Variants in DMD observed in about 807,000 individuals in gnomAD.
DMD encodes mutant dystrophin.
In DMD, 63 loss-of-function variants were observed where a neutral mutation model predicts 330.1. That is an observed-to-expected ratio of 0.19 (90% CI 0.16 to 0.24). The LOEUF (loss-of-function observed/expected upper bound fraction) is 0.24, where lower values mean the gene tolerates loss of function less well. Among genes scored for constraint, DMD ranks in the 10% least tolerant of loss-of-function variants. DMD has a pLI of 1.00. For missense variants in DMD, 3,344 were observed against 2,684.1 expected (o/e 1.25, Z -5.43); for synonymous variants, 1,223 against 959.8 (o/e 1.27, Z -5.07).
At chrX:32,289,644 C>T (rs910912420) in intron 42 of DMD, among the ~76,000 whole-genome samples, 2 of 111,453 alleles carry the variant, frequency 1.8e-5, no homozygotes, top group Non-Finnish European at 3.8e-5. Context: ...AAAGTGACCT[C>T]TGGTCCTTCT....
chrX:31,279,703 C>T (rs1424764154), intron 62 of DMD, among the ~76,000 whole-genome samples: 3 of 112,448 alleles, frequency 2.7e-5, no homozygotes, highest in Non-Finnish European at 5.6e-5. Context: ...ACTACAGATG[C>T]ATAAGCATGC....
intron 1 of DMD, among the ~76,000 whole-genome samples, chrX:33,322,419 CA>C (rs1191367690): frequency 9.1e-6 from 1 of 110,414 alleles, no homozygotes. Flanking sequence ...GTAGAGCACT[CA>C]GAACACACAC....
chrX:32,638,586 T>A (rs1231287079), intron 11 of DMD, among the ~76,000 whole-genome samples: 1 of 111,930 alleles, frequency 8.9e-6, no homozygotes, highest in Non-Finnish European at 1.9e-5. Context: ...ATCTGCAAGT[T>A]ACTATTGCTT....
chrX:33,192,415 C>T (rs1221331905), intron 1 of DMD, among the ~76,000 whole-genome samples: 2 of 112,106 alleles, frequency 1.8e-5, no homozygotes, highest in African/African-American at 6.5e-5. Context: ...TTGTACTCAT[C>T]GACTGAGCAC....
intron 41 of DMD, among the ~76,000 whole-genome samples, chrX:32,326,472 A>C (rs1316846183): frequency 1.8e-5 from 2 of 113,175 alleles, no homozygotes; most frequent in African/African-American, 6.4e-5. Flanking sequence ...AACATATATG[A>C]ATACATTTAT....
rs113662049 is a variant in DMD, at chrX:31,467,173, T to C, written c.8937+10933A>G. On this transcript the variant is annotated intron_variant, in intron 59 of 78. Coordinates refer to ENST00000357033, the MANE Select transcript of DMD (RefSeq NM_004006.3). ...CCCTTTATTTCTTTCCCTTGCCTGA[T>C]TGTCCTGGCCAAAACTTCCAATATT... Among the ~76,000 whole-genome samples, 3 of 111,466 alleles carry C rather than the reference T, an allele frequency of 2.7e-5. No homozygotes were observed. In the East Asian group the frequency reaches 8.4e-4, roughly 31 times the overall value.
intron 1 of DMD, among the ~76,000 whole-genome samples, chrX:33,270,335 G>GAA (rs200565487): frequency 2.9e-5 from 3 of 104,428 alleles, no homozygotes; most frequent in African/African-American, 7.0e-5. Context: ...AATAGACAAG[G>GAA]AAAAAAAAAA....
At chrX:33,114,159 G>C (rs1423876928) in intron 1 of DMD, among the ~76,000 whole-genome samples, 1 of 105,792 alleles carries the variant, frequency 9.5e-6, no homozygotes, top group Non-Finnish European at 1.9e-5. Flanking sequence ...GCCCAGGCTG[G>C]AGTGCAGTGG....
intron 12 of DMD, among the ~76,000 whole-genome samples, 184 bp from the exon 13 acceptor site, chrX:32,596,060 G>A (rs1456372399): frequency 1.8e-5 from 2 of 111,317 alleles, no homozygotes; most frequent in African/African-American, 6.5e-5. Flanking sequence ...ATGTTCTATT[G>A]TTAATTTAAC....
At chrX:32,096,833 G>A (rs1360019363) in intron 44 of DMD, among the ~76,000 whole-genome samples, 1 of 111,693 alleles carries the variant, frequency 9.0e-6, no homozygotes, top group East Asian at 2.8e-4. Context: ...ACTTTAGCAT[G>A]AGTCCAGATG....
chrX:32,564,296 G>A (rs1216490562), intron 16 of DMD, among the ~76,000 whole-genome samples: 5 of 111,754 alleles, frequency 4.5e-5, no homozygotes, highest in Admixed American at 2.9e-4. Flanking sequence ...AGGGATGCAC[G>A]TCAAAATAAC....
intron 1 of DMD, among the ~76,000 whole-genome samples, chrX:33,257,632 C>T (rs1464119650): frequency 9.0e-6 from 1 of 110,895 alleles, no homozygotes; most frequent in African/African-American, 3.3e-5. Flanking sequence ...TTAGTAATCA[C>T]GGTGATGAAA....
chrX:32,142,515 T>C (rs182932631), intron 44 of DMD, among the ~76,000 whole-genome samples: 27 of 112,533 alleles, frequency 2.4e-4, no homozygotes, highest in African/African-American at 8.4e-4. Flanking sequence ...GCACTGAATA[T>C]CATCCCTTCT....
At chrX:32,138,683 G>A (rs1232218719) in intron 44 of DMD, among the ~76,000 whole-genome samples, 2 of 111,909 alleles carry the variant, frequency 1.8e-5, no homozygotes, top group African/African-American at 6.5e-5. Flanking sequence ...CCTGCACAGA[G>A]CACTTTACAT....
At chrX:32,637,018 G>T (rs1167820519) in intron 11 of DMD, among the ~76,000 whole-genome samples, 1 of 110,561 alleles carries the variant, frequency 9.0e-6, no homozygotes, top group African/African-American at 3.3e-5. Flanking sequence ...AAAAGAAAAA[G>T]AAAAAGATTC....
At chrX:32,699,038 T>C in intron 8 of DMD, 74 bp downstream of exon 8, 1 of 882,952 alleles carries the variant, frequency 1.1e-6, no homozygotes, top group Non-Finnish European at 1.7e-6. Flanking sequence ...TATATATATA[T>C]GTGCACGTAA....
At chrX:32,467,612 T>C (rs1430728338) in intron 23 of DMD, among the ~76,000 whole-genome samples, 1 of 104,988 alleles carries the variant, frequency 9.5e-6, no homozygotes, top group African/African-American at 3.4e-5. Flanking sequence ...ATGTACATGA[T>C]ATATAATTCC....
chrX:33,222,571 C>A (rs1295863143), intron 1 of DMD, among the ~76,000 whole-genome samples: 1 of 112,149 alleles, frequency 8.9e-6, no homozygotes, highest in African/African-American at 3.2e-5. Context: ...TTAAATCAAT[C>A]CATACAGATG....
chrX:33,283,478 C>T (rs981490964), intron 1 of DMD, among the ~76,000 whole-genome samples: 3 of 105,354 alleles, frequency 2.8e-5, no homozygotes, highest in Admixed American at 1.0e-4. Context: ...GAGCTGAGAT[C>T]GCACCATTGT....
Sources: allele counts gnomAD v4.1 joint callset (sites outside exome capture counted in the v4.1 genomes callset), GRCh38; gene constraint gnomAD v4.1.1; transcripts MANE v1.5; gene names NCBI Gene and HGNC (gene_info 2026-07-23, HGNC 2026-07-21).